NID2: variants seen among roughly 807,000 people sequenced by gnomAD.
The protein encoded by NID2 is nidogen-2.
Under a neutral mutation model 145.4 loss-of-function variants are expected in NID2, and 83 were observed. That is an observed-to-expected ratio of 0.57 (90% CI 0.48 to 0.69). NID2 has a LOEUF of 0.69. Among genes scored for constraint, NID2 ranks in the 30% least tolerant of loss-of-function variants. NID2 has a pLI of 0.00. For missense variants in NID2, 1,807 were observed against 1,765.7 expected (o/e 1.02, Z -0.42); for synonymous variants, 739 against 701.3 (o/e 1.05, Z -0.85).
intron 1 of NID2, 34 bp from the exon 2 acceptor site, chr14:52,068,197 GC>G: frequency 2.5e-6 from 4 of 1,594,342 alleles, no homozygotes; most frequent in Non-Finnish European, 2.6e-6. Context: ...GGTGACAGTC[GC>G]TCAAGCCCAA....
intron 15 of NID2, 146 bp from the exon 16 acceptor site, chr14:52,014,602 A>G: frequency 3.5e-6 from 3 of 847,106 alleles, no homozygotes; most frequent in Non-Finnish European, 5.4e-6. Flanking sequence ...GTTCTTCAAA[A>G]GAAATTCTAA....
intron 16 of NID2, 91 bp downstream of exon 16, chr14:52,014,196 A>G (rs371163368): frequency 1.0e-5 from 16 of 1,534,446 alleles, no homozygotes; most frequent in Non-Finnish European, 1.4e-5. Context: ...ACTTCCCTGC[A>G]CCAGTCCACC....
chr14:52,052,684 G>C (rs754494656), intron 5 of NID2, among the ~76,000 whole-genome samples: 1 of 152,138 alleles, frequency 6.6e-6, no homozygotes, highest in Non-Finnish European at 1.5e-5. Context: ...CCATGTTTTT[G>C]CCACAACAGT....
At chr14:52,009,150 T>C (rs1012831214) in intron 18 of NID2, 4 of 152,230 alleles carry the variant, frequency 2.6e-5, no homozygotes, top group African/African-American at 9.6e-5. Flanking sequence ...TCATCCCTTA[T>C]GCCCAACAGA....
In NID2 at chr14:52,068,036, C is replaced by T. The variant is rs762482178; in HGVS notation, c.356G>A (p.Arg119Lys). The T allele has an allele frequency of 8.7e-6, 14 of 1,613,962 alleles. No individual in the cohort carries two copies. The highest frequency in any genetic ancestry group is 1.1e-5 in the Non-Finnish European group (13 of 1,179,946). ...GTCCTCTCGGTACAGGACTCGGCCT[C>T]TGCCGTGGCTCGTGTCGATGTCCGC... The part of the protein sequence containing the change: ...FLADIDTSHG[R>K]GRVLYREDTS... Residue 119 changes from arginine to lysine, a missense_variant, in exon 2 of 22, where the codon AGA (arginine) becomes AAA (lysine). By Grantham distance (26) the Arg-to-Lys change is conservative. Coordinates refer to ENST00000216286, the MANE Select transcript of NID2 (RefSeq NM_007361.4).
chr14:52,027,633 TACACACACAC>T (rs59049676), intron 11 of NID2, among the ~76,000 whole-genome samples: 15 of 144,162 alleles, frequency 1.0e-4, no homozygotes, highest in Non-Finnish European at 1.5e-4. Context: ...GAGCAATTGC[TACACACACAC>T]ACACACACAC....
chr14:52,030,155 T>C (rs1475493303), intron 9 of NID2, among the ~76,000 whole-genome samples: 2 of 152,198 alleles, frequency 1.3e-5, no homozygotes, highest in Non-Finnish European at 2.9e-5. Context: ...GTTCTAAATC[T>C]GTTGATCTCT....
intron 15 of NID2, 62 bp downstream of exon 15, chr14:52,014,992 G>T: frequency 1.5e-6 from 2 of 1,376,590 alleles, no homozygotes; most frequent in Non-Finnish European, 2.0e-6. Flanking sequence ...ACCACAGCAG[G>T]CACCATCCCT....
intron 16 of NID2, 88 bp downstream of exon 16, chr14:52,014,199 A>C: frequency 1.3e-6 from 2 of 1,547,160 alleles, no homozygotes; most frequent in Non-Finnish European, 1.8e-6. Flanking sequence ...TCCCTGCACC[A>C]GTCCACCTCA....
intron 9 of NID2, among the ~76,000 whole-genome samples, chr14:52,031,925 C>A (rs1276578855): frequency 1.3e-5 from 2 of 152,204 alleles, no homozygotes; most frequent in African/African-American, 4.8e-5. Context: ...GCAACCACAA[C>A]CCCACTGCTA....
Position 52,060,190 on chromosome 14 carries a change from T to A in NID2, c.701A>T (p.Asp234Val), listed in dbSNP as rs1439927761. 2.2e-5 allele frequency: 35 copies of A among 1,614,078 alleles called. No individual in the cohort carries two copies. Among genetic ancestry groups the A allele is most frequent in the Non-Finnish European group, 3.0e-5 (35 of 1,179,974 alleles). Residue 234 changes from aspartate to valine, a missense_variant, in exon 3 of 22, where the codon GAT becomes GTT. Asp to Val is a radical substitution (Grantham distance 152). Coordinates refer to ENST00000216286, the MANE Select transcript of NID2 (RefSeq NM_007361.4). ...RVGFCRGEAD[D>V]LKSEGPYFSL... Reference sequence around the variant, plus strand: ...GAAATATGGTCCTTCTGACTTCAGATCATCAGCCTCCCCTCGGCAGAAGCC... The same window carrying A: ...GAAATATGGTCCTTCTGACTTCAGAACATCAGCCTCCCCTCGGCAGAAGCC...
rs1289974016 is a variant in NID2 at position 52,005,283 on chromosome 14, AC to A, written c.*202del. The A allele has an allele frequency of 2.4e-6, 1 of 415,298 alleles. No individual in the cohort carries two copies. Among genetic ancestry groups the A allele is most frequent in the Non-Finnish European group, 4.2e-6 (1 of 238,120 alleles). 25.7% of individuals were successfully genotyped at this position (415,298 alleles called of 1,614,324 possible). A position where few individuals can be genotyped will look rare whatever the true frequency, so the allele number is the denominator to read the frequency against. ...TTACCTTTTTAAACTTGCAATAACA[AC>A]CTTCATTTTTAAAAATACAGTAGTA... On this transcript the variant is annotated 3_prime_UTR_variant, in exon 22 of 22. Transcript: ENST00000216286.
chr14:52,023,046 C>T (rs1008538316), intron 12 of NID2, among the ~76,000 whole-genome samples: 6 of 152,242 alleles, frequency 3.9e-5, no homozygotes, highest in Admixed American at 2.0e-4. Context: ...TAATAAACTA[C>T]TTCCTTTCAA....
At chr14:52,025,229 G>A (rs1891548264) in intron 12 of NID2, among the ~76,000 whole-genome samples, 1 of 152,190 alleles carries the variant, frequency 6.6e-6, no homozygotes, top group African/African-American at 2.4e-5. Flanking sequence ...CTCCATACCT[G>A]TAGAGGGTAT....
chr14:52,039,343 C>A (rs1382681543), intron 8 of NID2, among the ~76,000 whole-genome samples: 1 of 152,218 alleles, frequency 6.6e-6, no homozygotes, highest in Non-Finnish European at 1.5e-5. Context: ...GCCTAAGATG[C>A]AATGCTGCCA....
At chr14:52,067,110 A>T (rs1202278983) in intron 2 of NID2, among the ~76,000 whole-genome samples, 4 of 152,230 alleles carry the variant, frequency 2.6e-5, no homozygotes, top group Non-Finnish European at 5.9e-5. Flanking sequence ...AACTAAGAAC[A>T]TGTGCAAAGA....
In NID2 at chr14:52,042,766, G is replaced by A. The variant is rs4901186; in HGVS notation, c.1579+16C>T. The A allele has an allele frequency of 0.78, 1,258,571 of 1,611,368 alleles. 493,208 individuals are homozygous for A. The highest frequency in any genetic ancestry group is 0.88 in the South Asian group (80,527 of 91,014). ...CAGGAATAGACACACAGGAGTTCCT[G>A]GCCCCAGTCAATTACCTTCAGGCAG... On this transcript the variant is annotated intron_variant, in intron 6 of 21. Coordinates refer to ENST00000216286, the MANE Select transcript of NID2 (RefSeq NM_007361.4).
intron 5 of NID2, among the ~76,000 whole-genome samples, chr14:52,047,997 AC>A (rs1301559065): frequency 6.6e-6 from 1 of 152,160 alleles, no homozygotes; most frequent in East Asian, 1.9e-4. Context: ...CTAGCAATCT[AC>A]ACTTTAGCCA....
intron 2 of NID2, among the ~76,000 whole-genome samples, chr14:52,066,293 G>A (rs996118195): frequency 2.0e-5 from 3 of 151,390 alleles, no homozygotes; most frequent in Admixed American, 1.3e-4. Context: ...GTAGGGGTCA[G>A]GGGAAGGTGG....
Sources: allele counts gnomAD v4.1 joint callset (sites outside exome capture counted in the v4.1 genomes callset), GRCh38; gene constraint gnomAD v4.1.1; transcripts MANE v1.5; gene names NCBI Gene and HGNC (gene_info 2026-07-23, HGNC 2026-07-21).